CAST: variants seen among roughly 807,000 people sequenced by gnomAD.
The protein encoded by CAST is calpastatin.
CAST carries 76 observed loss-of-function variants against 119.6 expected under a neutral mutation model. The ratio of observed to expected loss-of-function variants is 0.64; its 90% CI spans 0.53 to 0.77. CAST has a LOEUF of 0.77. Ranked by LOEUF, CAST falls within the 30% of genes least tolerant of loss-of-function variation. The pLI is 0.00. For synonymous variants in CAST, 319 were observed against 331.6 expected (o/e 0.96, Z 0.41); for missense variants, 953 against 946.5 (o/e 1.01, Z -0.09).
the CAST span, among the ~76,000 whole-genome samples, chr5:96,484,763 C>CT: frequency 0.71 from 107,455 of 151,886 alleles, 38,457 homozygotes; most frequent in African/African-American, 0.81. Flanking sequence ...AGCTGGGGGG[C>CT]CATCATTAGC....
chr5:96,647,154 C>T (rs1010413987), intron 1 of CAST, among the ~76,000 whole-genome samples: 19 of 152,090 alleles, frequency 1.2e-4, no homozygotes, highest in Admixed American at 3.3e-4. Context: ...ATACACGGAT[C>T]GGAGGAAACA....
chr5:96,397,351 C>G, the CAST span: 4 of 1,613,070 alleles, frequency 2.5e-6, no homozygotes, highest in Non-Finnish European at 3.4e-6. Context: ...CTGTAATTCT[C>G]AAAGTCCAAG....
the CAST span, among the ~76,000 whole-genome samples, chr5:96,268,064 T>G: frequency 6.6e-6 from 1 of 152,078 alleles, no homozygotes; most frequent in Non-Finnish European, 1.5e-5. Context: ...GTAACCACAG[T>G]GTAAAAACCT....
chr5:96,000,307 T>C, the CAST span, among the ~76,000 whole-genome samples: 15 of 152,226 alleles, frequency 9.9e-5, no homozygotes, highest in Admixed American at 6.5e-4. Flanking sequence ...TTTAGTTTCA[T>C]ATCTAAAACC....
chr5:96,253,751 A>AT, the CAST span, among the ~76,000 whole-genome samples: 1 of 152,088 alleles, frequency 6.6e-6, no homozygotes, highest in East Asian at 1.9e-4. Context: ...GAGATTAAAG[A>AT]TTTTTTAAAT....
chr5:96,057,069 G>A, the CAST span, among the ~76,000 whole-genome samples: 1 of 152,154 alleles, frequency 6.6e-6, no homozygotes, highest in Admixed American at 6.6e-5. Flanking sequence ...AGAAAGTGAT[G>A]TATGGAAGAT....
chr5:96,662,870 G>A (rs1748751435), intron 1 of CAST: 4 of 569,412 alleles, frequency 7.0e-6, no homozygotes, highest in Non-Finnish European at 1.2e-5. Flanking sequence ...TCCGCGCTAA[G>A]GCCGGGCCGC....
At chr5:96,460,542 AATAAAT>A in the CAST span, among the ~76,000 whole-genome samples, 1 of 147,968 alleles carries the variant, frequency 6.8e-6, no homozygotes, top group East Asian at 1.9e-4. Flanking sequence ...CTTAAAGTAA[AATAAAT>A]AAATAAATTC....
the CAST span, among the ~76,000 whole-genome samples, chr5:96,070,141 G>A: frequency 6.6e-6 from 1 of 152,158 alleles, no homozygotes; most frequent in African/African-American, 2.4e-5. Flanking sequence ...ACAACATTAT[G>A]AGGGTAATAT....
the CAST span, among the ~76,000 whole-genome samples, chr5:96,254,324 T>C: frequency 6.6e-6 from 1 of 152,124 alleles, no homozygotes; most frequent in East Asian, 1.9e-4. Context: ...TTTATGTTAT[T>C]ACTTATTTCA....
intron 1 of CAST, among the ~76,000 whole-genome samples, chr5:96,620,665 G>T (rs1019069688): frequency 1.3e-5 from 2 of 152,124 alleles, no homozygotes; most frequent in African/African-American, 4.8e-5. Flanking sequence ...TAACCTCATT[G>T]TAAGTTAAGC....
chr5:96,039,503 C>T, the CAST span, among the ~76,000 whole-genome samples: 1 of 151,918 alleles, frequency 6.6e-6, no homozygotes, highest in Non-Finnish European at 1.5e-5. Context: ...TTTTATGGTC[C>T]TAGGTCTTAC....
chr5:96,587,260 C>G (rs1746877006), intron 1 of CAST, among the ~76,000 whole-genome samples: 1 of 152,200 alleles, frequency 6.6e-6, no homozygotes, highest in South Asian at 2.1e-4. Flanking sequence ...AGACCTTTGT[C>G]CCTCTAGCTC....
At chr5:96,421,597 T>C in the CAST span, among the ~76,000 whole-genome samples, 2 of 152,226 alleles carry the variant, frequency 1.3e-5, no homozygotes, top group Non-Finnish European at 2.9e-5. Context: ...GTACTCTTTA[T>C]GTCTCAAACA....
chr5:96,485,543 A>C, the CAST span, among the ~76,000 whole-genome samples: 1 of 152,162 alleles, frequency 6.6e-6, no homozygotes, highest in Non-Finnish European at 1.5e-5. Context: ...GGGTACCAAA[A>C]GTGGAAGAAA....
chr5:96,423,568 C>T, the CAST span: 1 of 993,750 alleles, frequency 1.0e-6, no homozygotes, highest in Non-Finnish European at 1.6e-6. Context: ...TTGGGTCACT[C>T]TACTCTTTAG....
chr5:96,278,400 C>G, the CAST span, among the ~76,000 whole-genome samples: 4 of 152,046 alleles, frequency 2.6e-5, no homozygotes, highest in African/African-American at 9.7e-5. Flanking sequence ...CTCCGGAAAC[C>G]ATGCCTAGGT....
At chr5:96,679,571 A>G (rs1464213390) in intron 2 of CAST, 1 of 152,170 alleles carries the variant, frequency 6.6e-6, no homozygotes, top group African/African-American at 2.4e-5. Context: ...TAAAGTATAA[A>G]ACGGGCATGA....
At chr5:96,452,684 C>A in the CAST span, among the ~76,000 whole-genome samples, 1 of 136,980 alleles carries the variant, frequency 7.3e-6, no homozygotes, top group East Asian at 2.0e-4. Flanking sequence ...GGCGCGGTGG[C>A]TCACGCCTGT....
Sources: allele counts gnomAD v4.1 joint callset (sites outside exome capture counted in the v4.1 genomes callset), GRCh38; gene constraint gnomAD v4.1.1; transcripts MANE v1.5; gene names NCBI Gene and HGNC (gene_info 2026-07-23, HGNC 2026-07-21).